Variants in PPP4R1 observed in about 807,000 individuals in gnomAD.
PPP4R1 encodes protein phosphatase 4 regulatory subunit 1.
Under a neutral mutation model 111.2 loss-of-function variants are expected in PPP4R1, and 42 were observed. The ratio of observed to expected loss-of-function variants is 0.38; its 90% CI spans 0.29 to 0.49. The LOEUF (loss-of-function observed/expected upper bound fraction) is 0.49. Among genes scored for constraint, PPP4R1 ranks in the 20% least tolerant of loss-of-function variants. The pLI is 0.97. For synonymous variants in PPP4R1, 409 were observed against 405.5 expected, an observed-to-expected ratio of 1.01 and a Z score of -0.10; for missense variants, 1,012 against 1,161.6, an observed-to-expected ratio of 0.87 and a Z score of 1.87.
intron 8 of PPP4R1, 138 bp downstream of exon 8, chr18:9,584,376 TC>T: frequency 3.1e-6 from 2 of 655,612 alleles, no homozygotes; most frequent in Non-Finnish European, 2.4e-6. Flanking sequence ...ATATTTAAAC[TC>T]CTAAATTCAA....
chr18:9,558,404 A>T (rs1350787643), intron 14 of PPP4R1, among the ~76,000 whole-genome samples: 1 of 152,214 alleles, frequency 6.6e-6, no homozygotes, highest in Non-Finnish European at 1.5e-5. Flanking sequence ...ACGAATACAC[A>T]GGACAAAGCA....
chr18:9,600,069 G>A (rs2067355027), intron 2 of PPP4R1, among the ~76,000 whole-genome samples: 1 of 151,932 alleles, frequency 6.6e-6, no homozygotes, highest in Non-Finnish European at 1.5e-5. Flanking sequence ...ACTCCTAGAA[G>A]GTAACAAAAT....
At chr18:9,550,606 T>TA (rs1013259563) in intron 16 of PPP4R1, 11 of 576,910 alleles carry the variant, frequency 1.9e-5, no homozygotes, top group Non-Finnish European at 3.0e-5. Context: ...TCAAGTTCCT[T>TA]AGAGTGTAAG....
upstream of PPP4R1, among the ~76,000 whole-genome samples, chr18:9,616,355 C>T (rs1179711491): frequency 7.2e-5 from 11 of 151,820 alleles, no homozygotes; most frequent in African/African-American, 7.3e-5. Flanking sequence ...ACTGTAACCT[C>T]GAACTCCTGG....
intron 6 of PPP4R1, among the ~76,000 whole-genome samples, chr18:9,585,670 A>G (rs997280562): frequency 1.1e-4 from 16 of 152,218 alleles, no homozygotes; most frequent in African/African-American, 3.9e-4. Context: ...AGCCACCAGA[A>G]TAAGTATGTT....
chr18:9,567,976 AT>A (rs199532466), intron 11 of PPP4R1, among the ~76,000 whole-genome samples: 24 of 151,350 alleles, frequency 1.6e-4, no homozygotes, highest in African/African-American at 4.9e-4. Context: ...AGGTATGTGC[AT>A]TTTTTTTTAG....
At chr18:9,575,027 G>A (rs1487455069) in intron 10 of PPP4R1, among the ~76,000 whole-genome samples, 1 of 152,226 alleles carries the variant, frequency 6.6e-6, no homozygotes, top group African/African-American at 2.4e-5. Context: ...GATCCAGGGT[G>A]AGTGAAAGAT....
chr18:9,611,578 T>C (rs1271603152), intron 2 of PPP4R1, among the ~76,000 whole-genome samples: 2 of 152,206 alleles, frequency 1.3e-5, no homozygotes, highest in African/African-American at 4.8e-5. Context: ...AGGTATCACC[T>C]GTAAAAACTT....
chr18:9,563,475 T>C lies in PPP4R1; in HGVS notation c.1649A>G (p.Lys550Arg). 6.2e-7 allele frequency: 1 copy of C among 1,607,234 alleles called. No homozygotes were observed. Among genetic ancestry groups the C allele is most frequent in the Non-Finnish European group, 8.5e-7 (1 of 1,174,086 alleles). Residue 550 changes from lysine to arginine, a missense_variant, in exon 12 of 20, where the codon AAG (lysine) becomes AGG (arginine). By Grantham distance (26) the Lys-to-Arg change is conservative (BLOSUM62 2). Coordinates refer to ENST00000400556, the MANE Select transcript of PPP4R1 (RefSeq NM_001042388.3). ...CAGTTCATCTTGCAAATCACTTCTC[T>C]TTTCTATACTGATGGTCTCTTCATG... ...DAHEETISIE[K>R]RSDLQDELDI...
intron 9 of PPP4R1, among the ~76,000 whole-genome samples, chr18:9,579,727 T>C (rs554202565): frequency 6.6e-6 from 1 of 152,150 alleles, no homozygotes; most frequent in Non-Finnish European, 1.5e-5. Flanking sequence ...CCCTAAATAA[T>C]AGAGTAACAA....
At chr18:9,567,173 A>C (rs1213376966) in intron 11 of PPP4R1, among the ~76,000 whole-genome samples, 1 of 152,220 alleles carries the variant, frequency 6.6e-6, no homozygotes, top group Non-Finnish European at 1.5e-5. Flanking sequence ...GGAGGAGGTC[A>C]AAATATCCAC....
rs773436008 is a variant in PPP4R1, at chr18:9,577,169, G to C, written c.941C>G (p.Ser314Cys). 10 of 1,606,634 alleles carry C rather than the reference G, an allele frequency of 6.2e-6. No individual in the cohort carries two copies. Among genetic ancestry groups the C allele is most frequent in the Admixed American group, 1.7e-5 (1 of 57,950 alleles). Residue 314 changes from serine (S) to cysteine (C), a missense_variant, in exon 10 of 20, where the codon TCT becomes TGT. Physicochemically the swap from Ser to Cys is moderately radical, Grantham distance 112 (BLOSUM62 -1). Transcript: ENST00000400556. Reference protein sequence around the residue: ...SRWVRQAAFQSLGPFISTFAN... With the variant: ...SRWVRQAAFQCLGPFISTFAN... ...AAAAGTAGATATGAAAGGTCCCAGA[G>C]ACTGAAAAGCTGCTTGGCGAACCTA...
intron 9 of PPP4R1, among the ~76,000 whole-genome samples, chr18:9,582,503 A>G (rs1171202602): frequency 6.6e-6 from 1 of 152,226 alleles, no homozygotes; most frequent in Non-Finnish European, 1.5e-5. Context: ...CAACAGACCT[A>G]TAACAAGTGA....
chr18:9,610,023 C>T (rs1337142688), intron 2 of PPP4R1, among the ~76,000 whole-genome samples: 3 of 152,188 alleles, frequency 2.0e-5, no homozygotes, highest in Non-Finnish European at 2.9e-5. Context: ...GTAAACTAAG[C>T]GTTACATAGC....
At chr18:9,553,298 A>G (rs777828339) in intron 16 of PPP4R1, 24 bp downstream of exon 16, 10 of 1,501,764 alleles carry the variant, frequency 6.7e-6, no homozygotes, top group Non-Finnish European at 9.2e-6. Flanking sequence ...CCAAAACATA[A>G]TCTAATAAAC....
intron 5 of PPP4R1, 32 bp from the exon 6 acceptor site, chr18:9,588,267 C>T (rs2145216732): frequency 1.3e-6 from 2 of 1,592,248 alleles, no homozygotes; most frequent in South Asian, 1.1e-5. Context: ...AAAGAAAGTA[C>T]ATATGCAACA....
In PPP4R1 at chr18:9,547,608, G is replaced by A. The variant is rs2066419791; in HGVS notation, c.*181C>T. ...TCAAGATAAGATAATAGTGTTTACT[G>A]TACTTTCTCTTGACTCTTGAAATCC... On this transcript the variant is annotated 3_prime_UTR_variant, in exon 20 of 20. Transcript: ENST00000400556. 2 of 615,726 alleles carry A rather than the reference G, an allele frequency of 3.2e-6. No homozygotes were observed. The highest frequency in any genetic ancestry group is 5.8e-5 in the Admixed American group (2 of 34,512). The allele number at this position is 615,726 out of a possible 1,614,324, so 38.1% of individuals were successfully genotyped here. A position where few individuals can be genotyped will look rare whatever the true frequency, so the allele number is the denominator to read the frequency against.
At chr18:9,579,785 C>T (rs775606540) in intron 9 of PPP4R1, among the ~76,000 whole-genome samples, 14 of 152,050 alleles carry the variant, frequency 9.2e-5, no homozygotes, top group South Asian at 2.1e-4. Flanking sequence ...AATCTAGAGA[C>T]GATTTACAGT....
At chr18:9,553,766 T>C (rs7237018) in intron 15 of PPP4R1, among the ~76,000 whole-genome samples, 24,098 of 152,306 alleles carry the variant, frequency 0.16, 2,524 homozygotes, top group African/African-American at 0.29. Flanking sequence ...GCAGTAATTA[T>C]GCTCTTAACC....
Sources: allele counts gnomAD v4.1 joint callset (sites outside exome capture counted in the v4.1 genomes callset), GRCh38; gene constraint gnomAD v4.1.1; transcripts MANE v1.5; gene names NCBI Gene and HGNC (gene_info 2026-07-23, HGNC 2026-07-21).